The following CTBP2 variants were observed in gnomAD, a reference collection of about 807,000 sequenced individuals.
CTBP2 encodes the protein C-terminal binding protein 2, also known as C-terminal-binding protein 2.
In CTBP2, 30 loss-of-function variants were observed where a neutral mutation model predicts 80.3. The ratio of observed to expected loss-of-function variants is 0.37; its 90% confidence interval spans 0.28 to 0.51. CTBP2 has a LOEUF of 0.51. Among genes scored for constraint, CTBP2 ranks in the 20% least tolerant of loss-of-function variants. The pLI is 0.93. For missense variants in CTBP2, 1,212 were observed against 1,375.3 expected, an observed-to-expected ratio of 0.88 and a Z score of 1.88; for synonymous variants, 594 against 587.4, an observed-to-expected ratio of 1.01 and a Z score of -0.16.
In CTBP2 at chr10:125,027,433, C is replaced by T; in HGVS notation, c.327G>A (p.Glu109=). Residue 109 remains glutamate (E), a synonymous_variant, in exon 1 of 9, where the codon GAG becomes GAA. Transcript: ENST00000309035. ...CAGCTCCAGACGGATCACTGTAGTA[C>T]TCCCGTGGCAGCAGGGGGCTGCGAC... 1 of 1,614,134 alleles carries T rather than the reference C, an allele frequency of 6.2e-7. No individual in the cohort carries two copies. Among genetic ancestry groups the T allele is most frequent in the African/African-American group, 1.3e-5 (1 of 75,036 alleles).
At chr10:124,992,152 T>G (rs1952730569) in intron 8 of CTBP2, among the ~76,000 whole-genome samples, 1 of 148,836 alleles carries the variant, frequency 6.7e-6, no homozygotes, top group African/African-American at 2.4e-5. Flanking sequence ...ATGAACTTGC[T>G]CACAGGCCTT....
chr10:125,120,610 C>T (rs1178705932), intron 1 of CTBP2, among the ~76,000 whole-genome samples: 4 of 152,218 alleles, frequency 2.6e-5, no homozygotes, highest in African/African-American at 9.7e-5. Flanking sequence ...TGCTCTCAAA[C>T]TCCTGAACTC....
chr10:125,071,271 G>C (rs1845444541), intron 2 of CTBP2, among the ~76,000 whole-genome samples: 1 of 152,266 alleles, frequency 6.6e-6, no homozygotes, highest in African/African-American at 2.4e-5. Context: ...TGAGAGCCTG[G>C]TTGAAGGCCA....
intron 1 of CTBP2, among the ~76,000 whole-genome samples, chr10:125,012,703 G>T (rs779906633): frequency 6.6e-6 from 1 of 152,224 alleles, no homozygotes; most frequent in Admixed American, 6.5e-5. Context: ...GCAGTGGCGC[G>T]ATCTCGGCTC....
chr10:124,997,344 G>C (rs1273214917), intron 4 of CTBP2: 1 of 154,380 alleles, frequency 6.5e-6, no homozygotes, highest in Non-Finnish European at 1.4e-5. Flanking sequence ...TGGTGAGCAG[G>C]GTGGGGACCT....
rs1038795825 is a variant in CTBP2 at position 125,052,711 on chromosome 10, T to C, written c.-101-13556A>G. Among the ~76,000 whole-genome samples the C allele has an allele frequency of 4.6e-5, 7 of 152,186 alleles. No homozygotes were observed. In the East Asian group the frequency reaches 1.2e-3, roughly 25 times the overall value. On this transcript the variant is annotated intron_variant, in intron 2 of 10. Transcript: ENST00000337195. Reference sequence around the variant, plus strand: ...GCCTCAGTCCGGGCTTTGTGTATCATAGTGTGGGCTCCAGCAGGAATCTGG... The same window carrying C: ...GCCTCAGTCCGGGCTTTGTGTATCACAGTGTGGGCTCCAGCAGGAATCTGG...
chr10:125,125,885 A>G (rs1487538313), intron 1 of CTBP2, among the ~76,000 whole-genome samples: 1 of 152,246 alleles, frequency 6.6e-6, no homozygotes, highest in Non-Finnish European at 1.5e-5. Flanking sequence ...GAAGAAGTGT[A>G]AACAAGTCGG....
intron 1 of CTBP2, among the ~76,000 whole-genome samples, chr10:125,151,294 C>G (rs1031741830): frequency 6.6e-6 from 1 of 152,148 alleles, no homozygotes; most frequent in African/African-American, 2.4e-5. Flanking sequence ...TAGTCACATG[C>G]CTCGCCAGGC....
At chr10:125,001,726 AG>A (rs1177008113) in intron 3 of CTBP2, among the ~76,000 whole-genome samples, 3 of 152,134 alleles carry the variant, frequency 2.0e-5, no homozygotes, top group Non-Finnish European at 4.4e-5. Context: ...GTGTACGGGC[AG>A]CTCCCTGCTC....
intron 1 of CTBP2, chr10:125,005,398 C>T (rs1955102161): frequency 1.4e-6 from 1 of 728,806 alleles, no homozygotes; most frequent in Non-Finnish European, 2.2e-6. Context: ...CACGTGCACC[C>T]AGTCACTCCT....
intron 1 of CTBP2, among the ~76,000 whole-genome samples, chr10:125,017,652 C>T (rs1335943066): frequency 6.6e-6 from 1 of 152,234 alleles, no homozygotes; most frequent in South Asian, 2.1e-4. Context: ...GGCATTTGCT[C>T]TTCACTGGGA....
intron 1 of CTBP2, among the ~76,000 whole-genome samples, chr10:125,129,578 C>CG (rs1855813901): frequency 6.6e-6 from 1 of 152,092 alleles, no homozygotes; most frequent in Non-Finnish European, 1.5e-5. Flanking sequence ...CTGCCGAACC[C>CG]GGGGGTGGTG....
At position 125,026,644 on chromosome 10, in the gene CTBP2, G is replaced by T. The variant is rs746431034; in HGVS notation, c.1116C>A (p.Phe372Leu). 1.3e-6 allele frequency: 2 copies of T among 1,585,994 alleles called. No homozygotes were observed. Among genetic ancestry groups the T allele is most frequent in the Non-Finnish European group, 1.7e-6 (2 of 1,166,828 alleles). Residue 372 changes from phenylalanine (F) to leucine (L), a missense_variant, in exon 1 of 9, where the codon TTC (phenylalanine) becomes TTA (leucine). By Grantham distance (22) the Phe-to-Leu change is conservative. This residue lies in a region of CTBP2 where 848 missense variants were observed against 782.3 expected (regional missense o/e 1.08). Transcript: ENST00000309035. The stretch of plus-strand genomic sequence containing the variant: ...CATGGAGCAGTTCGCTTCGGTGGCT[G>T]AAGCTGCTGGACCGCGCCCGGGGCA...
chr10:125,025,814 G>A (rs898320248), intron 1 of CTBP2, among the ~76,000 whole-genome samples: 4 of 152,088 alleles, frequency 2.6e-5, no homozygotes, highest in Non-Finnish European at 4.4e-5. Context: ...TTTTACCACC[G>A]TAATGGGAAA....
At chr10:125,073,529 T>C (rs529490613) in intron 2 of CTBP2, among the ~76,000 whole-genome samples, 12 of 152,320 alleles carry the variant, frequency 7.9e-5, no homozygotes, top group African/African-American at 1.7e-4. Flanking sequence ...GCGTGAGCCA[T>C]CATGCATGGC....
intron 1 of CTBP2, among the ~76,000 whole-genome samples, chr10:125,118,588 C>G (rs190662092): frequency 6.6e-6 from 1 of 152,280 alleles, no homozygotes; most frequent in East Asian, 1.9e-4. Flanking sequence ...GTGTGAGCAA[C>G]TGGACCTGAG....
At chr10:125,089,729 G>T (rs985191760) in intron 2 of CTBP2, among the ~76,000 whole-genome samples, 1 of 152,198 alleles carries the variant, frequency 6.6e-6, no homozygotes, top group African/African-American at 2.4e-5. Flanking sequence ...TTCCTGCAGA[G>T]TCCTAGCTCA....
chr10:125,048,131 C>A (rs1961728169), intron 2 of CTBP2, among the ~76,000 whole-genome samples: 1 of 151,968 alleles, frequency 6.6e-6, no homozygotes, highest in Admixed American at 6.6e-5. Flanking sequence ...GCAGTCTCTG[C>A]TTGCTCTCAA....
chr10:125,142,630 T>C (rs1268773002), intron 1 of CTBP2, among the ~76,000 whole-genome samples: 2 of 152,212 alleles, frequency 1.3e-5, no homozygotes, highest in Admixed American at 6.5e-5. Context: ...TATTTCTACA[T>C]AGGATTTTGA....
Sources: allele counts gnomAD v4.1 joint callset (sites outside exome capture counted in the v4.1 genomes callset), GRCh38; gene constraint gnomAD v4.1.1; regional missense constraint gnomAD v4.1.1; transcripts MANE v1.5; gene names NCBI Gene and HGNC (gene_info 2026-07-23, HGNC 2026-07-21).